The following UBL3 variants were observed in gnomAD, a reference collection of about 807,000 sequenced individuals.
The protein encoded by UBL3 is ubiquitin like 3, also known as ubiquitin-like protein 3.
UBL3 carries 6 observed loss-of-function variants against 18.4 expected under a neutral mutation model. The observed-to-expected ratio is 0.33, with a 90% confidence interval of 0.18 to 0.64. The LOEUF (loss-of-function observed/expected upper bound fraction) is 0.64. Ranked by LOEUF, UBL3 falls within the 30% of genes least tolerant of loss-of-function variation. UBL3 has a pLI of 0.76. For missense variants in UBL3, 109 were observed against 142.9 expected, an observed-to-expected ratio of 0.76 and a Z score of 1.21; for synonymous variants, 49 against 46.6, an observed-to-expected ratio of 1.05 and a Z score of -0.21.
intron 1 of UBL3, among the ~76,000 whole-genome samples, chr13:29,799,614 T>C (rs1221510066): frequency 2.0e-5 from 3 of 152,196 alleles, no homozygotes; most frequent in South Asian, 4.1e-4. Flanking sequence ...TGAGTGGTTC[T>C]TCAAAGCGGT....
At chr13:29,772,039 A>G (rs1876854553) in intron 3 of UBL3, 73 bp downstream of exon 3, 2 of 1,326,614 alleles carry the variant, frequency 1.5e-6, no homozygotes, top group Admixed American at 4.1e-5. Flanking sequence ...ATTCAAAGAC[A>G]TTAACATTTA....
rs532354234 is a variant in UBL3, at chr13:29,847,000, T to C, written c.27+2512A>G. Reference sequence around the variant, plus strand: ...GCTCTTCAAGGTTTGGAGCGGTAAATTGTTGTCATGAATGTAAACTAAAAT... The same window carrying C: ...GCTCTTCAAGGTTTGGAGCGGTAAACTGTTGTCATGAATGTAAACTAAAAT... On this transcript the variant is annotated intron_variant, in intron 1 of 4. Transcript: ENST00000380680. Among the ~76,000 whole-genome samples the C allele has an allele frequency of 5.3e-5, 8 of 152,314 alleles. No homozygotes were observed. The East Asian group carries it at 1.5e-3, about 29-fold the overall frequency.
rs1879352400 is a variant in UBL3 at position 29,850,590 on chromosome 13, C to CA, written c.-1053_-1052insT. On this transcript the variant is annotated 5_prime_UTR_variant, in exon 1 of 5. Coordinates refer to ENST00000380680, the MANE Select transcript of UBL3 (RefSeq NM_007106.4). ...TCTCAAACCAACATGGCGGCAGCGG[C>CA]GGCGGCGGCGGCTGCCTGAGTGCGA... is the stretch of plus-strand genomic sequence containing the variant. 6.4e-6 allele frequency: 1 copy of CA among 155,980 alleles called. No homozygotes were observed. Among genetic ancestry groups the CA allele is most frequent in the Non-Finnish European group, 1.4e-5 (1 of 71,246 alleles). 9.7% of individuals were successfully genotyped at this position (155,980 alleles called of 1,614,324 possible).
At chr13:29,767,730 AT>A (rs1419725690) in intron 3 of UBL3, 35 bp from the exon 4 acceptor site, 1 of 1,564,880 alleles carries the variant, frequency 6.4e-7, no homozygotes, top group African/African-American at 1.4e-5. Context: ...AGTTACACAT[AT>A]ATCGACCTAT....
chr13:29,844,606 C>A (rs1429750722), intron 1 of UBL3, among the ~76,000 whole-genome samples: 3 of 152,128 alleles, frequency 2.0e-5, no homozygotes. Context: ...CACTCAACCT[C>A]CAAGTATTCA....
intron 1 of UBL3, among the ~76,000 whole-genome samples, chr13:29,847,367 T>A (rs1410190263): frequency 6.6e-6 from 1 of 152,222 alleles, no homozygotes; most frequent in East Asian, 1.9e-4. Context: ...CCCTTGCATA[T>A]CACCTTTAAT....
At position 29,790,211 on chromosome 13, in the gene UBL3, T is replaced by C. The variant is rs141228170; in HGVS notation, c.28-12948A>G. 1.8e-4 allele frequency among the ~76,000 whole-genome samples: 28 copies of C among 152,324 alleles called. 1 individual carries two copies. In the East Asian group the frequency reaches 5.2e-3, roughly 28 times the overall value. On this transcript the variant is annotated intron_variant, in intron 1 of 4. Coordinates refer to ENST00000380680, the MANE Select transcript of UBL3 (RefSeq NM_007106.4). ...AAAAAGAGAACGTTATTTAGGAATA[T>C]AATAATATACATAGGACACATAAAC... is the stretch of plus-strand genomic sequence containing the variant.
rs568666367 is a variant in UBL3 at position 29,765,968 on chromosome 13, G to A, written c.*1287C>T. On this transcript the variant is annotated 3_prime_UTR_variant, in exon 5 of 5. Transcript: ENST00000380680. ...TGGAATATTGTTCTGTATACTACGC[G>A]CCAATCTATATTTTAAGTCCTGTAG... is the stretch of plus-strand genomic sequence containing the variant. The A allele has an allele frequency of 2.2e-4, 34 of 152,412 alleles. No individual in the cohort carries two copies. The highest frequency in any genetic ancestry group is 7.2e-4 in the African/African-American group (30 of 41,502). The allele number at this position is 152,412 out of a possible 1,614,324, so 9.4% of individuals were successfully genotyped here. A position where few individuals can be genotyped will look rare whatever the true frequency, so the allele number is the denominator to read the frequency against.
At chr13:29,768,587 G>A (rs551219501) in intron 3 of UBL3, among the ~76,000 whole-genome samples, 46 of 152,156 alleles carry the variant, frequency 3.0e-4, no homozygotes, top group African/African-American at 1.1e-3. Flanking sequence ...TCTATAGGAT[G>A]ATGGTTAACA....
At chr13:29,781,487 C>T (rs945767840) in intron 1 of UBL3, among the ~76,000 whole-genome samples, 5 of 152,106 alleles carry the variant, frequency 3.3e-5, no homozygotes, top group South Asian at 2.1e-4. Context: ...AAAGTTAACG[C>T]TATCAAGTAC....
At chr13:29,826,529 G>T (rs1274336247) in intron 1 of UBL3, among the ~76,000 whole-genome samples, 2 of 151,906 alleles carry the variant, frequency 1.3e-5, no homozygotes, top group Non-Finnish European at 2.9e-5. Flanking sequence ...TATTTCTGTG[G>T]GATCAGTGGT....
At chr13:29,829,323 G>A (rs1007418838) in intron 1 of UBL3, among the ~76,000 whole-genome samples, 3 of 152,244 alleles carry the variant, frequency 2.0e-5, no homozygotes, top group Non-Finnish European at 2.9e-5. Context: ...TCCCTGAGCT[G>A]TGGTGGGCTC....
intron 1 of UBL3, among the ~76,000 whole-genome samples, chr13:29,797,043 C>T (rs796688205): frequency 2.6e-4 from 39 of 152,186 alleles, no homozygotes; most frequent in African/African-American, 9.4e-4. Context: ...ATGGAATAAG[C>T]AGTTAACGTA....
intron 1 of UBL3, among the ~76,000 whole-genome samples, chr13:29,778,941 C>A (rs551356611): frequency 2.0e-5 from 3 of 152,118 alleles, no homozygotes; most frequent in Non-Finnish European, 4.4e-5. Flanking sequence ...AGAAAATAAT[C>A]TACATTCCAG....
chr13:29,843,665 T>C (rs1364076141), intron 1 of UBL3, among the ~76,000 whole-genome samples: 1 of 152,238 alleles, frequency 6.6e-6, no homozygotes, highest in South Asian at 2.1e-4. Context: ...GCAATAAGAA[T>C]GTTTACAAAT....
At chr13:29,817,086 T>C (rs1354031362) in intron 1 of UBL3, among the ~76,000 whole-genome samples, 2 of 152,224 alleles carry the variant, frequency 1.3e-5, no homozygotes, top group Non-Finnish European at 2.9e-5. Flanking sequence ...TACTGAGAAC[T>C]GTTTGATTCC....
chr13:29,809,979 T>C (rs1169715969), intron 1 of UBL3, among the ~76,000 whole-genome samples: 3 of 152,240 alleles, frequency 2.0e-5, no homozygotes, highest in East Asian at 3.9e-4. Flanking sequence ...TTTGAAACTT[T>C]GTGAAATTTT....
In UBL3 at chr13:29,767,044, C is replaced by CA. The variant is rs1876707870; in HGVS notation, c.*210dup. ...ACCAATATGTGTTAAAACAGCTCAA[C>CA]AAAAAATACAAGAAATAAAAAATCA... is the stretch of plus-strand genomic sequence containing the variant. On this transcript the variant is annotated 3_prime_UTR_variant, in exon 5 of 5. Transcript: ENST00000380680. 1 of 455,382 alleles carries CA rather than the reference C, an allele frequency of 2.2e-6. No individual in the cohort carries two copies. The highest frequency in any genetic ancestry group is 3.8e-6 in the Non-Finnish European group (1 of 264,654). The allele number at this position is 455,382 out of a possible 1,614,324, so 28.2% of individuals were successfully genotyped here.
intron 1 of UBL3, among the ~76,000 whole-genome samples, chr13:29,800,334 T>A (rs1426329113): frequency 6.6e-6 from 1 of 152,210 alleles, no homozygotes; most frequent in Non-Finnish European, 1.5e-5. Context: ...CCTGACTGAA[T>A]GAGTTAGTAA....
Sources: gnomAD v4.1 joint callset for allele counts (sites outside exome capture counted in the v4.1 genomes callset) on GRCh38, gnomAD v4.1.1 for gene constraint, MANE v1.5 for transcripts, NCBI Gene and HGNC (gene_info 2026-07-23, HGNC 2026-07-21) for gene names.